DOK6: variants seen among roughly 807,000 people sequenced by gnomAD.
The protein encoded by DOK6 is downstream of tyrosine kinase 6.
Under a neutral mutation model 44.0 loss-of-function variants are expected in DOK6, and 22 were observed. The observed-to-expected ratio is 0.50, with a 90% CI of 0.36 to 0.71. The LOEUF (loss-of-function observed/expected upper bound fraction) is 0.71, where lower values mean the gene tolerates loss of function less well. Among genes scored for constraint, DOK6 ranks in the 30% least tolerant of loss-of-function variants. The pLI, the probability that DOK6 is intolerant of heterozygous loss-of-function variation, is 0.00. For missense variants in DOK6, 340 were observed against 416.4 expected, an observed-to-expected ratio of 0.82 and a Z score of 1.60; for synonymous variants, 166 against 145.5, an observed-to-expected ratio of 1.14 and a Z score of -1.01.
At chr18:69,601,813 T>A (rs532479550) in intron 3 of DOK6, among the ~76,000 whole-genome samples, 1 of 152,182 alleles carries the variant, frequency 6.6e-6, no homozygotes, top group Non-Finnish European at 1.5e-5. Context: ...GGGCATGAAA[T>A]ACACAAGACG....
At chr18:69,821,358 G>C (rs537010846) in intron 7 of DOK6, among the ~76,000 whole-genome samples, 1 of 152,258 alleles carries the variant, frequency 6.6e-6, no homozygotes, top group East Asian at 1.9e-4. Context: ...TTTAGGTTCA[G>C]TTCAACTGTC....
chr18:69,678,868 T>G (rs566290992), intron 4 of DOK6, among the ~76,000 whole-genome samples: 17 of 49,550 alleles, frequency 3.4e-4, no homozygotes, highest in Non-Finnish European at 7.2e-4. Flanking sequence ...TGAGGAAACT[T>G]GACATTATTT....
chr18:69,458,945 A>G (rs79055644), intron 1 of DOK6, among the ~76,000 whole-genome samples: 1 of 151,984 alleles, frequency 6.6e-6, no homozygotes, highest in Non-Finnish European at 1.5e-5. Flanking sequence ...TACAAAAAAA[A>G]ATGAGCTGAG....
intron 5 of DOK6, among the ~76,000 whole-genome samples, chr18:69,718,754 A>T (rs906021125): frequency 6.6e-6 from 1 of 152,068 alleles, no homozygotes; most frequent in Non-Finnish European, 1.5e-5. Context: ...GTGAGCACCT[A>T]CTTCATCCCA....
At chr18:69,621,375 C>T (rs865948753) in intron 3 of DOK6, among the ~76,000 whole-genome samples, 2 of 152,116 alleles carry the variant, frequency 1.3e-5, no homozygotes, top group South Asian at 4.1e-4. Context: ...ATTTTAATTT[C>T]CTTCTATTCA....
chr18:69,681,461 T>C (rs533876947), intron 4 of DOK6, among the ~76,000 whole-genome samples: 1 of 152,352 alleles, frequency 6.6e-6, no homozygotes, highest in South Asian at 2.1e-4. Context: ...CTTTATCTAC[T>C]GCTGTCAGCT....
intron 7 of DOK6, among the ~76,000 whole-genome samples, chr18:69,830,516 A>G (rs759677407): frequency 8.5e-5 from 13 of 152,218 alleles, no homozygotes; most frequent in Non-Finnish European, 1.8e-4. Context: ...CCAAGGAAAG[A>G]GGCCTCAGAA....
At chr18:69,663,461 A>G (rs1470321497) in intron 3 of DOK6, 1 of 152,196 alleles carries the variant, frequency 6.6e-6, no homozygotes, top group African/African-American at 2.4e-5. Flanking sequence ...AGTTGACCAC[A>G]GAAAATCCCT....
chr18:69,773,707 T>C (rs1054663544), intron 7 of DOK6, among the ~76,000 whole-genome samples: 13 of 152,002 alleles, frequency 8.6e-5, no homozygotes, highest in African/African-American at 2.9e-4. Context: ...GGAGTTGCTG[T>C]GCAACAGGTA....
chr18:69,727,349 G>A (rs1978314971), intron 5 of DOK6, among the ~76,000 whole-genome samples: 1 of 151,994 alleles, frequency 6.6e-6, no homozygotes, highest in African/African-American at 2.4e-5. Context: ...TAAGTCATTG[G>A]AGCCTGTTCT....
intron 1 of DOK6, among the ~76,000 whole-genome samples, chr18:69,433,548 C>T (rs541687614): frequency 1.2e-4 from 18 of 152,168 alleles, no homozygotes; most frequent in Middle Eastern, 3.4e-3. Context: ...ATCTAAGTCT[C>T]ATGCTCTACT....
rs536699402 is a variant in DOK6 at position 69,723,969 on chromosome 18, G to A, written c.600-14996G>A. On this transcript the variant is annotated intron_variant, in intron 5 of 7. Transcript: ENST00000382713. ...ACTGCTCTGTGCATCCTAGTGCACCGCAACCTTGTAATCTGGTCTCAAAAC... is the reference window on the plus strand; with the variant it reads ...ACTGCTCTGTGCATCCTAGTGCACCACAACCTTGTAATCTGGTCTCAAAAC... Among the ~76,000 whole-genome samples the A allele has an allele frequency of 3.7e-4, 56 of 152,274 alleles. No homozygotes were observed. The South Asian group carries it at 4.6e-3, about 12-fold the overall frequency.
rs559941469 is a variant in DOK6, at chr18:69,610,910, G to A, written c.289+11412G>A. On this transcript the variant is annotated intron_variant, in intron 3 of 7. Transcript: ENST00000382713. Reference sequence around the variant, plus strand: ...GGGGTTCCTTAAACCAATCCCCTACGTATGGATATTTAGGAGCAACTGTCA... The same window carrying A: ...GGGGTTCCTTAAACCAATCCCCTACATATGGATATTTAGGAGCAACTGTCA... Among the ~76,000 whole-genome samples, 52 of 152,184 alleles carry A rather than the reference G, an allele frequency of 3.4e-4. 2 individuals are homozygous for A. In the South Asian group the frequency reaches 1.0e-2, roughly 29 times the overall value.
intron 1 of DOK6, among the ~76,000 whole-genome samples, chr18:69,409,026 A>G (rs1439859817): frequency 6.6e-6 from 1 of 152,034 alleles, no homozygotes; most frequent in African/African-American, 2.4e-5. Flanking sequence ...CATAATCCCC[A>G]CGTGTCATGG....
intron 1 of DOK6, among the ~76,000 whole-genome samples, chr18:69,499,781 C>T (rs539858668): frequency 6.6e-6 from 1 of 152,160 alleles, no homozygotes; most frequent in Non-Finnish European, 1.5e-5. Flanking sequence ...ATTAAACCTG[C>T]TCTTTCTGCA....
chr18:69,504,727 C>G (rs1298973075), intron 1 of DOK6, among the ~76,000 whole-genome samples: 2 of 152,072 alleles, frequency 1.3e-5, no homozygotes, highest in African/African-American at 2.4e-5. Context: ...CTTAAGCCTA[C>G]CACATGCTAT....
chr18:69,580,654 C>A (rs1423792420), intron 2 of DOK6, among the ~76,000 whole-genome samples: 1 of 152,104 alleles, frequency 6.6e-6, no homozygotes. Context: ...ATATTCATCA[C>A]CTCAAACATT....
chr18:69,512,382 A>C (rs1178650510), intron 1 of DOK6, among the ~76,000 whole-genome samples: 1 of 115,026 alleles, frequency 8.7e-6, no homozygotes, highest in African/African-American at 3.3e-5. Context: ...TCTGTCACCC[A>C]GGCCAGGCTG....
rs1405336970 is a variant in DOK6, at chr18:69,845,113, C to T, written c.*3730C>T. The stretch of plus-strand genomic sequence containing the variant: ...AAACTTTGTAAAAAAGCATGGGGAC[C>T]CTACTCCCTAGATTATTTGAGCCAT... On this transcript the variant is annotated 3_prime_UTR_variant, in exon 8 of 8. Coordinates refer to ENST00000382713, the MANE Select transcript of DOK6 (RefSeq NM_152721.6). 6.6e-6 allele frequency: 1 copy of T among 152,076 alleles called. No individual in the cohort carries two copies. Among genetic ancestry groups the T allele is most frequent in the South Asian group, 2.1e-4 (1 of 4,828 alleles). 9.4% of individuals were successfully genotyped at this position (152,076 alleles called of 1,614,324 possible).
Sources: allele counts gnomAD v4.1 joint callset (sites outside exome capture counted in the v4.1 genomes callset), GRCh38; gene constraint gnomAD v4.1.1; transcripts MANE v1.5; gene names NCBI Gene and HGNC (gene_info 2026-07-23, HGNC 2026-07-21).